The following SLC9A9 variants were observed in gnomAD, a reference collection of about 807,000 sequenced individuals.
SLC9A9 encodes the protein solute carrier family 9 member A9.
A neutral mutation model predicts 77.8 loss-of-function variants in SLC9A9; 62 were observed. The observed-to-expected ratio is 0.80, with a 90% CI of 0.65 to 0.98. SLC9A9 has a LOEUF of 0.98. SLC9A9 is among the 50% of genes least tolerant of loss of function. SLC9A9 has a pLI of 0.00. For synonymous variants in SLC9A9, 320 were observed against 283.5 expected, an observed-to-expected ratio of 1.13 and a Z score of -1.29; for missense variants, 775 against 774.9, an observed-to-expected ratio of 1.00 and a Z score of 0.00.
chr3:143,725,049 C>T (rs1014791892), intron 4 of SLC9A9, among the ~76,000 whole-genome samples: 16 of 152,174 alleles, frequency 1.1e-4, no homozygotes, highest in Non-Finnish European at 1.5e-5. Flanking sequence ...TGGGCCCCTA[C>T]ATACATCCTC....
At chr3:143,408,087 A>C (rs1345070535) in intron 12 of SLC9A9, among the ~76,000 whole-genome samples, 2 of 152,044 alleles carry the variant, frequency 1.3e-5, no homozygotes, top group Non-Finnish European at 2.9e-5. Flanking sequence ...GAGAGACAGC[A>C]CTCTCTTATA....
chr3:143,727,786 T>A (rs1016801700), intron 4 of SLC9A9, among the ~76,000 whole-genome samples: 1 of 152,250 alleles, frequency 6.6e-6, no homozygotes, highest in Admixed American at 6.5e-5. Context: ...GACCCATCTA[T>A]ACTTGGGCTA....
chr3:143,825,011 T>C (rs1241579472), intron 2 of SLC9A9, among the ~76,000 whole-genome samples: 13 of 152,182 alleles, frequency 8.5e-5, no homozygotes, highest in Admixed American at 7.9e-4. Flanking sequence ...AGAATTGTCA[T>C]GATAGAGAAA....
intron 9 of SLC9A9, among the ~76,000 whole-genome samples, chr3:143,547,002 T>C (rs1233835250): frequency 6.6e-6 from 1 of 152,232 alleles, no homozygotes; most frequent in African/African-American, 2.4e-5. Context: ...TCAGTGATGT[T>C]CATTTTCTTC....
chr3:143,750,554 G>A (rs2006667787), intron 4 of SLC9A9, among the ~76,000 whole-genome samples: 1 of 152,186 alleles, frequency 6.6e-6, no homozygotes, highest in East Asian at 1.9e-4. Context: ...GAATAATTCA[G>A]CTCTCCATTT....
chr3:143,519,874 G>T (rs182807231), intron 9 of SLC9A9, among the ~76,000 whole-genome samples: 4 of 152,316 alleles, frequency 2.6e-5, no homozygotes, highest in African/African-American at 9.6e-5. Context: ...GAATAGAATT[G>T]CTCCTAATGA....
At chr3:143,322,074 C>T (rs555158182) in intron 14 of SLC9A9, among the ~76,000 whole-genome samples, 67 of 152,310 alleles carry the variant, frequency 4.4e-4, no homozygotes, top group African/African-American at 1.6e-3. Context: ...GGAGTCCTGA[C>T]CTTTTGGTTG....
intron 13 of SLC9A9, among the ~76,000 whole-genome samples, chr3:143,371,708 T>C (rs1404285331): frequency 6.6e-6 from 1 of 151,884 alleles, no homozygotes; most frequent in African/African-American, 2.4e-5. Context: ...AAGAACAAAA[T>C]GGAAATTCTA....
chr3:143,266,203 A>G lies in SLC9A9; in HGVS notation c.*499T>C, dbSNP rs1937707822. 1 of 662,488 alleles carries G rather than the reference A, an allele frequency of 1.5e-6. No individual in the cohort carries two copies. The highest frequency in any genetic ancestry group is 2.7e-6 in the Non-Finnish European group (1 of 367,282). The allele number at this position is 662,488 out of a possible 1,614,324, so 41.0% of individuals were successfully genotyped here. A position where few individuals can be genotyped will look rare whatever the true frequency, so the allele number is the denominator to read the frequency against. On this transcript the variant is annotated 3_prime_UTR_variant, in exon 16 of 16. Coordinates refer to ENST00000316549, the MANE Select transcript of SLC9A9 (RefSeq NM_173653.4). ...TGGGCTCTGCCCTGGGGTCACTGAG[A>G]GCAAATGGGAGTCAAGTCCTCAAAA... is the stretch of plus-strand genomic sequence containing the variant.
intron 4 of SLC9A9, among the ~76,000 whole-genome samples, chr3:143,783,375 C>T (rs1202945987): frequency 1.3e-5 from 2 of 151,998 alleles, no homozygotes; most frequent in Non-Finnish European, 2.9e-5. Flanking sequence ...TTCCTTCTCT[C>T]ATATCTTTAC....
chr3:143,338,342 A>G (rs2031987859), intron 14 of SLC9A9, among the ~76,000 whole-genome samples: 1 of 152,204 alleles, frequency 6.6e-6, no homozygotes, highest in Non-Finnish European at 1.5e-5. Flanking sequence ...TTTTGGCCTT[A>G]TTTGGTCTTG....
At chr3:143,811,721 G>A (rs978612002) in intron 2 of SLC9A9, 13 of 454,740 alleles carry the variant, frequency 2.9e-5, no homozygotes, top group Non-Finnish European at 4.9e-5. Context: ...AATTAGCCAC[G>A]CACAGTGGCA....
intron 4 of SLC9A9, among the ~76,000 whole-genome samples, chr3:143,760,389 A>AAAGAGG (rs1456338333): frequency 6.6e-6 from 1 of 152,208 alleles, no homozygotes; most frequent in Non-Finnish European, 1.5e-5. Context: ...TCAATTAGGA[A>AAAGAGG]AAGAGGAAGT....
intron 4 of SLC9A9, among the ~76,000 whole-genome samples, chr3:143,714,848 G>T (rs939799197): frequency 2.0e-5 from 3 of 152,160 alleles, no homozygotes; most frequent in African/African-American, 7.2e-5. Context: ...GTTCGGCTGT[G>T]TCTCCACCCA....
intron 12 of SLC9A9, among the ~76,000 whole-genome samples, chr3:143,389,745 G>A (rs1294764568): frequency 6.6e-6 from 1 of 152,198 alleles, no homozygotes; most frequent in Non-Finnish European, 1.5e-5. Context: ...TAAGAATAAG[G>A]AAGGGATAAT....
rs377737042 is a variant in SLC9A9, at chr3:143,389,992, T to A, written c.1470-7878A>T. On this transcript the variant is annotated intron_variant, in intron 12 of 15. Coordinates refer to ENST00000316549, the MANE Select transcript of SLC9A9 (RefSeq NM_173653.4). ...GCTGCTGAGAGCAGTGGTGCCCCTC[T>A]GGGTTTCCACCACTGCATGGACACA... Among the ~76,000 whole-genome samples the A allele has an allele frequency of 1.1e-4, 16 of 152,366 alleles. No homozygotes were observed. The East Asian group carries it at 2.1e-3, about 20-fold the overall frequency.
At chr3:143,606,332 G>T (rs1294243140) in intron 6 of SLC9A9, among the ~76,000 whole-genome samples, 1 of 151,130 alleles carries the variant, frequency 6.6e-6, no homozygotes, top group East Asian at 1.9e-4. Context: ...TGGAACCTGG[G>T]GGAACGAGAT....
chr3:143,332,340 A>G (rs916037242), intron 14 of SLC9A9, among the ~76,000 whole-genome samples: 2 of 152,218 alleles, frequency 1.3e-5, no homozygotes, highest in African/African-American at 4.8e-5. Flanking sequence ...TACAAAGAAG[A>G]AGTATATTCA....
At chr3:143,451,306 C>A (rs2035003473) in intron 12 of SLC9A9, among the ~76,000 whole-genome samples, 1 of 152,148 alleles carries the variant, frequency 6.6e-6, no homozygotes. Flanking sequence ...CTGTCTTAAG[C>A]AGTTTCTTCC....
Sources: gnomAD v4.1 joint callset for allele counts (sites outside exome capture counted in the v4.1 genomes callset) on GRCh38, gnomAD v4.1.1 for gene constraint, MANE v1.5 for transcripts, NCBI Gene and HGNC (gene_info 2026-07-23, HGNC 2026-07-21) for gene names.